BRWD1: variants seen among roughly 807,000 people sequenced by gnomAD.
BRWD1 encodes the protein bromodomain and WD repeat domain containing 1.
A neutral mutation model predicts 251.2 loss-of-function variants in BRWD1; 82 were observed. The ratio of observed to expected loss-of-function variants is 0.33; its 90% CI spans 0.27 to 0.39. The LOEUF (loss-of-function observed/expected upper bound fraction) is 0.39, where lower values mean the gene tolerates loss of function less well. Ranked by LOEUF, BRWD1 falls within the 10% of genes least tolerant of loss-of-function variation. The pLI is 1.00. For missense variants in BRWD1, 2,233 were observed against 2,711.6 expected (o/e 0.82, Z 3.92); for synonymous variants, 918 against 902.8 (o/e 1.02, Z -0.30).
At chr21:39,218,112 T>C in intron 31 of BRWD1, 40 bp downstream of exon 31, 1 of 1,563,032 alleles carries the variant, frequency 6.4e-7, no homozygotes, top group East Asian at 2.3e-5. Context: ...TATTGCCAAA[T>C]ATAGCTTTTT....
chr21:39,314,043 G>T (rs1033161945), upstream of BRWD1: 1 of 455,754 alleles, frequency 2.2e-6, no homozygotes, highest in African/African-American at 2.0e-5. Context: ...CGAGTCGCGG[G>T]TTGGGCAAGG....
Position 39,194,922 on chromosome 21 carries a change from A to C in BRWD1, c.*1337T>G. On this transcript the variant is annotated 3_prime_UTR_variant, in exon 41 of 41. Transcript: ENST00000342449. ...TAACTTACAGGTGGGGTACTGTAAC[A>C]TATCCCTTACCCACTAAATATGTAA... 6.7e-7 allele frequency: 1 copy of C among 1,501,592 alleles called. No homozygotes were observed. The highest frequency in any genetic ancestry group is 2.5e-5 in the East Asian group (1 of 40,718). 93.0% of individuals were successfully genotyped at this position (1,501,592 alleles called of 1,614,324 possible). A position where few individuals can be genotyped will look rare whatever the true frequency, so the allele number is the denominator to read the frequency against.
At chr21:39,203,126 T>C (rs1399334102) in intron 37 of BRWD1, among the ~76,000 whole-genome samples, 2 of 152,186 alleles carry the variant, frequency 1.3e-5, no homozygotes, top group Non-Finnish European at 2.9e-5. Context: ...GTGAGAAATA[T>C]GGGTGAATGA....
chr21:39,215,933 G>A (rs1025351613), intron 31 of BRWD1, among the ~76,000 whole-genome samples: 3 of 152,134 alleles, frequency 2.0e-5, no homozygotes, highest in East Asian at 1.9e-4. Context: ...CTGGCAGGTC[G>A]AGGCTACAGT....
intron 19 of BRWD1, among the ~76,000 whole-genome samples, chr21:39,254,135 G>A (rs759444646): frequency 9.2e-5 from 14 of 152,178 alleles, no homozygotes; most frequent in Non-Finnish European, 1.6e-4. Flanking sequence ...GCGTGGTGGC[G>A]CATGCCTGTA....
chr21:39,290,886 C>G (rs1046968272), intron 8 of BRWD1, among the ~76,000 whole-genome samples: 11 of 152,152 alleles, frequency 7.2e-5, no homozygotes, highest in African/African-American at 2.7e-4. Flanking sequence ...AATTCCAGCA[C>G]TTTGGGAGGT....
rs1052752917 is a variant in BRWD1, at chr21:39,195,386, A to G, written c.*873T>C. On this transcript the variant is annotated 3_prime_UTR_variant, in exon 41 of 41. Transcript: ENST00000342449. The stretch of plus-strand genomic sequence containing the variant: ...AAGAACACACTTCTAAATCTAAGGC[A>G]CACGAATTCCTCTATTTCACAGAGT... The G allele has an allele frequency of 1.0e-6, 1 of 985,154 alleles. No homozygotes were observed. Among genetic ancestry groups the G allele is most frequent in the African/African-American group, 1.7e-5 (1 of 57,208 alleles). 61.0% of individuals were successfully genotyped at this position (985,154 alleles called of 1,614,324 possible). A position where few individuals can be genotyped will look rare whatever the true frequency, so the allele number is the denominator to read the frequency against.
At chr21:39,222,629 A>G (rs2033222519) in intron 29 of BRWD1, among the ~76,000 whole-genome samples, 1 of 152,234 alleles carries the variant, frequency 6.6e-6, no homozygotes, top group African/African-American at 2.4e-5. Context: ...AAATCTGAGT[A>G]CATACTAATA....
chr21:39,259,308 G>A (rs1045037855), intron 17 of BRWD1, among the ~76,000 whole-genome samples: 8 of 152,040 alleles, frequency 5.3e-5, no homozygotes, highest in Non-Finnish European at 1.2e-4. Flanking sequence ...GAGTTTTTCT[G>A]AGACGGAGTC....
At chr21:39,281,444 C>A (rs2146706480) in intron 8 of BRWD1, among the ~76,000 whole-genome samples, 1 of 152,216 alleles carries the variant, frequency 6.6e-6, no homozygotes, top group African/African-American at 2.4e-5. Context: ...CCTGTAATCC[C>A]AGCGCTTTGT....
intron 31 of BRWD1, chr21:39,217,025 A>ATATATATAAATATATATATATATT (rs2032933783): frequency 4.7e-5 from 1 of 21,366 alleles, no homozygotes; most frequent in Non-Finnish European, 9.5e-5. Context: ...ATATATATAT[A>ATATATATAAATATATATATATATT]TATATATATA....
At chr21:39,218,483 T>C in intron 30 of BRWD1, 22 bp downstream of exon 30, 1 of 1,554,160 alleles carries the variant, frequency 6.4e-7, no homozygotes, top group Non-Finnish European at 8.6e-7. Flanking sequence ...AAACTTTTCA[T>C]CCTAAAAAAT....
At chr21:39,184,576 A>G (rs1328332543), downstream of BRWD1, 2 of 152,262 alleles carry the variant, frequency 1.3e-5, no homozygotes, top group African/African-American at 4.8e-5. Flanking sequence ...CTTTGGGGTC[A>G]GAGAGAGCCT....
At chr21:39,303,739 C>A (rs1309154343) in intron 4 of BRWD1, among the ~76,000 whole-genome samples, 1 of 151,508 alleles carries the variant, frequency 6.6e-6, no homozygotes, top group African/African-American at 2.4e-5. Flanking sequence ...TGGAAGACGG[C>A]TTGAGCCCAG....
At chr21:39,246,851 G>C (rs2034207485) in intron 21 of BRWD1, among the ~76,000 whole-genome samples, 1 of 152,208 alleles carries the variant, frequency 6.6e-6, no homozygotes, top group Admixed American at 6.5e-5. Context: ...GGGAGGCCGA[G>C]GCAGGTGGAT....
intron 8 of BRWD1, among the ~76,000 whole-genome samples, chr21:39,287,742 T>G (rs1328850331): frequency 6.6e-6 from 1 of 152,208 alleles, no homozygotes; most frequent in Non-Finnish European, 1.5e-5. Flanking sequence ...TTTCTATCCT[T>G]AATTTCTGTA....
Position 39,199,137 on chromosome 21 carries a change from GAGTCTTCCTCAGAAGACTCT to G in BRWD1, c.5259_5278del (p.Glu1754Ter). 1 of 1,614,000 alleles carries G rather than the reference GAGTCTTCCTCAGAAGACTCT, an allele frequency of 6.2e-7. No homozygotes were observed. The highest frequency in any genetic ancestry group is 2.2e-5 in the East Asian group (1 of 44,876). ...TGCATGATCTGAATCATGACTTTTA[GAGTCTTCCTCAGAAGACTCT>G]ATTTTAAGAAATTTTGTCTTTGAAG... On this transcript the variant is annotated frameshift_variant, in exon 40 of 41. Coordinates refer to ENST00000342449, the MANE Select transcript of BRWD1 (RefSeq NM_033656.4). LOFTEE classifies it high-confidence loss of function.
In BRWD1 at chr21:39,196,160, T is replaced by C. The variant is rs1238296323; in HGVS notation, c.*99A>G. The C allele has an allele frequency of 6.8e-7, 1 of 1,476,534 alleles. No individual in the cohort carries two copies. Among genetic ancestry groups the C allele is most frequent in the African/African-American group, 1.4e-5 (1 of 70,404 alleles). The allele number at this position is 1,476,534 out of a possible 1,614,324, so 91.5% of individuals were successfully genotyped here. A position where few individuals can be genotyped will look rare whatever the true frequency, so the allele number is the denominator to read the frequency against. On this transcript the variant is annotated 3_prime_UTR_variant, in exon 41 of 41. Coordinates refer to ENST00000342449, the MANE Select transcript of BRWD1 (RefSeq NM_033656.4). ...AACTTTTCATAGAAAAATATAAATATATTCCCTGAATTGTAAGACAAAAAA... is the reference window on the plus strand; with the variant it reads ...AACTTTTCATAGAAAAATATAAATACATTCCCTGAATTGTAAGACAAAAAA...
chr21:39,276,341 C>T (rs982955450), intron 11 of BRWD1, 128 bp from the exon 12 acceptor site: 4 of 549,034 alleles, frequency 7.3e-6, no homozygotes, highest in Non-Finnish European at 1.2e-5. Context: ...GTTGCTTAGC[C>T]CTGTCATTCA....
Sources: allele counts gnomAD v4.1 joint callset (sites outside exome capture counted in the v4.1 genomes callset), GRCh38; gene constraint gnomAD v4.1.1; transcripts MANE v1.5; gene names NCBI Gene and HGNC (gene_info 2026-07-23, HGNC 2026-07-21).